Variants in MAST2 observed in about 807,000 individuals in gnomAD.
MAST2 encodes the protein microtubule-associated serine/threonine-protein kinase 2.
MAST2 carries 70 observed loss-of-function variants against 147.4 expected under a neutral mutation model. That is an observed-to-expected ratio of 0.47 (90% CI 0.39 to 0.58). MAST2 has a LOEUF of 0.58. MAST2 is among the 20% of genes least tolerant of loss of function. MAST2 has a pLI of 0.00. For synonymous variants in MAST2, 869 were observed against 896.8 expected, an observed-to-expected ratio of 0.97 and a Z score of 0.55; for missense variants, 2,080 against 2,302.3, an observed-to-expected ratio of 0.90 and a Z score of 1.98.
intron 4 of MAST2, among the ~76,000 whole-genome samples, chr1:45,952,248 A>C (rs1266920997): frequency 3.3e-5 from 5 of 152,200 alleles, no homozygotes; most frequent in Non-Finnish European, 5.9e-5. Context: ...ATGCATGAAA[A>C]CATGCTGAGT....
rs903745249 is a variant in MAST2, at chr1:46,031,100, G to A, written c.2802G>A (p.Leu934=). 1.9e-6 allele frequency: 3 copies of A among 1,612,814 alleles called. No individual in the cohort carries two copies. The highest frequency in any genetic ancestry group is 1.7e-5 in the Admixed American group (1 of 59,912). ...TGCGACGCCGCTGCTCAGGCCTCCT[G>A]GATGCGCCTCGGTTCCCGGAGGGCC... ...MTVRRRCSGL[L]DAPRFPEGPE... Residue 934 remains leucine, a synonymous_variant, in exon 23 of 29, where the codon CTG becomes CTA. Coordinates refer to ENST00000361297, the MANE Select transcript of MAST2 (RefSeq NM_015112.3). This position sits in a 1 kb window ranked among gnomAD's most constrained non-coding sequence, Gnocchi z 4.1.
chr1:46,013,979 T>G (rs969244006), intron 10 of MAST2, among the ~76,000 whole-genome samples: 3 of 151,830 alleles, frequency 2.0e-5, no homozygotes, highest in South Asian at 4.2e-4. Flanking sequence ...ATTTACTGTG[T>G]TTTTTTTCCG....
At chr1:45,837,842 A>G (rs1645148313) in intron 3 of MAST2, among the ~76,000 whole-genome samples, 2 of 152,162 alleles carry the variant, frequency 1.3e-5, no homozygotes, top group African/African-American at 4.8e-5. Flanking sequence ...GCCGTGGCAC[A>G]ATCTCGGCTC....
intron 3 of MAST2, among the ~76,000 whole-genome samples, chr1:45,857,035 CT>C: frequency 6.6e-6 from 1 of 152,144 alleles, no homozygotes; most frequent in East Asian, 1.9e-4. Flanking sequence ...TCCCAAACCC[CT>C]AATCCTTCCC....
At chr1:45,940,232 A>G (rs892896551) in intron 4 of MAST2, among the ~76,000 whole-genome samples, 2 of 151,868 alleles carry the variant, frequency 1.3e-5, no homozygotes, top group South Asian at 2.1e-4. Context: ...ACTTCAGGTG[A>G]TCCACCCGCC....
At chr1:45,913,929 A>AGGAC in intron 4 of MAST2, 15 of 1,128,536 alleles carry the variant, frequency 1.3e-5, no homozygotes, top group Non-Finnish European at 1.7e-5. Context: ...AGGAAAAAAA[A>AGGAC]CTAATGCCAA....
chr1:46,024,575 G>A (rs940002301), intron 15 of MAST2, among the ~76,000 whole-genome samples: 2 of 152,118 alleles, frequency 1.3e-5, no homozygotes, highest in Non-Finnish European at 2.9e-5. Flanking sequence ...TGTTTACTGG[G>A]TACATGCTGG....
intron 10 of MAST2, among the ~76,000 whole-genome samples, chr1:46,017,703 CTT>C (rs1261587051): frequency 1.3e-5 from 2 of 152,020 alleles, no homozygotes; most frequent in African/African-American, 4.8e-5. Flanking sequence ...AATAGGAACA[CTT>C]TTATACTGTT....
rs1288184928 is a variant in MAST2 at position 46,023,084 on chromosome 1, C to A, written c.1485+113C>A. 6 of 1,224,902 alleles carry A rather than the reference C, an allele frequency of 4.9e-6. No homozygotes were observed. The highest frequency in any genetic ancestry group is 2.3e-5 in the East Asian group (1 of 42,914). The allele number at this position is 1,224,902 out of a possible 1,614,324, so 75.9% of individuals were successfully genotyped here. On this transcript the variant is annotated intron_variant, in intron 13 of 28. Coordinates refer to ENST00000361297, the MANE Select transcript of MAST2 (RefSeq NM_015112.3). The surrounding 1 kb of genome is among the most constrained non-coding windows in gnomAD (Gnocchi z 4.9). ...GAAGGGATGGGGGAGTTGGTGACAG[C>A]AAACACTGAGAAGTCATTCTACTCC... is the stretch of plus-strand genomic sequence containing the variant.
intron 4 of MAST2, among the ~76,000 whole-genome samples, chr1:45,882,598 T>C (rs550609586): frequency 2.6e-5 from 4 of 152,310 alleles, no homozygotes; most frequent in Admixed American, 6.5e-5. Flanking sequence ...CCTCCCGACC[T>C]CCAAACCTCT....
chr1:45,876,548 T>C (rs1392178404), intron 3 of MAST2, among the ~76,000 whole-genome samples: 1 of 152,212 alleles, frequency 6.6e-6, no homozygotes, highest in African/African-American at 2.4e-5. Context: ...TGGAAGGTTA[T>C]GAGTAAAATA....
At chr1:46,001,155 TG>T (rs893058661) in intron 6 of MAST2, among the ~76,000 whole-genome samples, 1 of 152,232 alleles carries the variant, frequency 6.6e-6, no homozygotes. Flanking sequence ...TCCCTCTACC[TG>T]CTGGAACCAA....
chr1:45,946,279 T>C (rs1306803136), intron 4 of MAST2, among the ~76,000 whole-genome samples: 2 of 152,188 alleles, frequency 1.3e-5, no homozygotes, highest in Non-Finnish European at 2.9e-5. Flanking sequence ...TCTTGTTTTC[T>C]TGGTGGTGGG....
intron 4 of MAST2, among the ~76,000 whole-genome samples, chr1:45,884,762 A>T (rs1265643990): frequency 6.6e-6 from 1 of 152,214 alleles, no homozygotes; most frequent in Admixed American, 6.5e-5. Flanking sequence ...TCTGGAAGGA[A>T]GCAAGGAAAC....
At chr1:45,885,374 C>T (rs141514608) in intron 4 of MAST2, among the ~76,000 whole-genome samples, 3 of 152,064 alleles carry the variant, frequency 2.0e-5, no homozygotes, top group Non-Finnish European at 4.4e-5. Context: ...TTTGAGAGAG[C>T]GTTTTTGTTA....
intron 4 of MAST2, among the ~76,000 whole-genome samples, chr1:45,894,088 C>T (rs1254191804): frequency 2.0e-5 from 3 of 151,940 alleles, no homozygotes; most frequent in Non-Finnish European, 4.4e-5. Context: ...TGGTAGCGCA[C>T]ACCTGTGGTC....
Position 46,032,650 on chromosome 1 carries a change from A to C in MAST2, c.3469A>C (p.Ile1157Leu). The change falls in exon 26 of 29, where the codon ATC becomes CTC. Residue 1157 changes from isoleucine to leucine, a missense_variant. Physicochemically the swap from Ile to Leu is conservative, Grantham distance 5 (BLOSUM62 2). Around this residue, in one of 4 missense-constraint regions of MAST2, gnomAD observed 1,278 missense variants for 1,304.2 expected, o/e 0.98. Transcript: ENST00000361297. ...SEAGLRQGDL[I>L]THVNGEPVHG... is the part of the protein sequence containing the mutation. ...GGCAGGGCTTCGTCAAGGTGACCTC[A>C]TCACCCATGTCAATGGGGAACCTGT... 6.2e-7 allele frequency: 1 copy of C among 1,614,156 alleles called. No individual in the cohort carries two copies. Among genetic ancestry groups the C allele is most frequent in the Admixed American group, 1.7e-5 (1 of 60,024 alleles).
intron 3 of MAST2, among the ~76,000 whole-genome samples, chr1:45,879,798 C>T (rs944017381): frequency 6.6e-6 from 1 of 152,042 alleles, no homozygotes; most frequent in Admixed American, 6.6e-5. Context: ...TGAAAAGATA[C>T]TCAACATCGT....
chr1:46,011,765 AT>A (rs1225005523), intron 10 of MAST2, among the ~76,000 whole-genome samples: 1 of 152,236 alleles, frequency 6.6e-6, no homozygotes, highest in Non-Finnish European at 1.5e-5. Flanking sequence ...CCCAGGGCTA[AT>A]GATCAAAAGG....
Sources: allele counts gnomAD v4.1 joint callset (sites outside exome capture counted in the v4.1 genomes callset), GRCh38; gene constraint gnomAD v4.1.1; regional missense constraint gnomAD v4.1.1; non-coding constraint Gnocchi (gnomAD v3.1); transcripts MANE v1.5; gene names NCBI Gene and HGNC (gene_info 2026-07-23, HGNC 2026-07-21).